Variants in GRIN3B observed in about 807,000 individuals in gnomAD.
The protein encoded by GRIN3B is glutamate ionotropic receptor NMDA type subunit 3B, also known as glutamate receptor ionotropic, NMDA 3B.
In GRIN3B, 77 loss-of-function variants were observed where a neutral mutation model predicts 66.0. The observed-to-expected ratio is 1.17, with a 90% CI of 0.97 to 1.41. The LOEUF (loss-of-function observed/expected upper bound fraction) is 1.41. Among genes scored for constraint, GRIN3B ranks in the 40% most tolerant of loss-of-function variants. GRIN3B has a pLI of 0.00. For synonymous variants in GRIN3B, 823 were observed against 749.7 expected, an observed-to-expected ratio of 1.10 and a Z score of -1.60; for missense variants, 1,787 against 1,564.5, an observed-to-expected ratio of 1.14 and a Z score of -2.40.
At chr19:1,009,024 C>T in intron 8 of GRIN3B, 97 bp downstream of exon 8, 1 of 1,486,788 alleles carries the variant, frequency 6.7e-7, no homozygotes, top group Non-Finnish European at 9.1e-7. Flanking sequence ...AGGAGGTTCC[C>T]GGAGGTCCCC....
In GRIN3B at chr19:1,000,718, C is replaced by G; in HGVS notation, c.281C>G (p.Ala94Gly). ...TCGCTGACCCGCGGCCTGTGCCAGG[C>G]GCTGGTGCCTCCGGGCGTGGCGGCC... ...PASLTRGLCQ[A>G]LVPPGVAALL... The change falls in exon 1 of 9, where the codon GCG (alanine) becomes GGG (glycine). Residue 94 changes from alanine (A) to glycine (G), a missense_variant. Physicochemically the swap from Ala to Gly is moderately conservative, Grantham distance 60. Coordinates refer to ENST00000234389, the MANE Select transcript of GRIN3B (RefSeq NM_138690.3). 2 of 1,425,748 alleles carry G rather than the reference C, an allele frequency of 1.4e-6. No homozygotes were observed. The highest frequency in any genetic ancestry group is 1.8e-6 in the Non-Finnish European group (2 of 1,092,258). 88.3% of individuals were successfully genotyped at this position (1,425,748 alleles called of 1,614,324 possible).
Position 1,008,404 on chromosome 19 carries a change from T to C in GRIN3B, c.2466+113T>C. On this transcript the variant is annotated intron_variant, in intron 6 of 8. Transcript: ENST00000234389. ...ATTCCCCAGACGTGCGTTTGTCTGC[T>C]TCTGCGCACTTCTATTCACCCTACA... 6.4e-6 allele frequency: 7 copies of C among 1,096,888 alleles called. 1 individual carries two copies. Among genetic ancestry groups the C allele is most frequent in the South Asian group, 6.0e-5 (4 of 67,016 alleles). 67.9% of individuals were successfully genotyped at this position (1,096,888 alleles called of 1,614,324 possible). A position where few individuals can be genotyped will look rare whatever the true frequency, so the allele number is the denominator to read the frequency against.
rs1302079558 is a variant in GRIN3B at position 1,003,341 on chromosome 19, C to T, written c.638C>T (p.Ala213Val). 1.9e-6 allele frequency: 3 copies of T among 1,579,884 alleles called. No individual in the cohort carries two copies. The South Asian group carries it at 3.5e-5, about 18-fold the overall frequency. The change falls in exon 2 of 9, where the codon GCA (alanine) becomes GTA (valine). Residue 213 changes from alanine to valine, a missense_variant. Ala to Val is a moderately conservative substitution (Grantham distance 64). Coordinates refer to ENST00000234389, the MANE Select transcript of GRIN3B (RefSeq NM_138690.3). Reference sequence around the variant, plus strand: ...CTAAGCCGGCGGGACACGGGAGATGCAGGACTGCGGGCACGCCTGGCCCCG... The same window carrying T: ...CTAAGCCGGCGGGACACGGGAGATGTAGGACTGCGGGCACGCCTGGCCCCG... ...LDLSRRDTGD[A>V]GLRARLAPMA...
chr19:1,009,171 A>G lies in GRIN3B; in HGVS notation c.2703-2A>G. Reference sequence around the variant, plus strand: ...CACTGACCAGGCCGGTTCCGTCCCCAGCGGCCCCGAGGTGGAGCAGCAGCA... The same window carrying G: ...CACTGACCAGGCCGGTTCCGTCCCCGGCGGCCCCGAGGTGGAGCAGCAGCA... On this transcript the variant is annotated splice_acceptor_variant, in intron 8 of 8. Coordinates refer to ENST00000234389, the MANE Select transcript of GRIN3B (RefSeq NM_138690.3). LOFTEE classifies it high-confidence loss of function. The G allele has an allele frequency of 6.8e-7, 1 of 1,465,010 alleles. No homozygotes were observed. 90.8% of individuals were successfully genotyped at this position (1,465,010 alleles called of 1,614,324 possible).
At position 1,003,140 on chromosome 19, in the gene GRIN3B, A is replaced by T. The variant is rs1408425319; in HGVS notation, c.437A>T (p.His146Leu). The change falls in exon 2 of 9, where the codon CAC becomes CTC. Residue 146 changes from histidine (H) to leucine (L), a missense_variant. Transcript: ENST00000234389. ...RAPLGAPNPF[H>L]LQLHWASPLE... ...CCACCCCTCTCCCAGAACCCATTCC[A>T]CCTGCAGCTGCACTGGGCCAGCCCC... The T allele has an allele frequency of 2.1e-6, 3 of 1,452,038 alleles. No individual in the cohort carries two copies. The highest frequency in any genetic ancestry group is 2.7e-6 in the Non-Finnish European group (3 of 1,104,516). 89.9% of individuals were successfully genotyped at this position (1,452,038 alleles called of 1,614,324 possible).
chr19:1,008,524 C>G (rs1247304738), intron 6 of GRIN3B, 94 bp from the exon 7 acceptor site: 9 of 1,440,914 alleles, frequency 6.2e-6, no homozygotes, highest in Non-Finnish European at 8.4e-6. Context: ...CCCCAAGCCC[C>G]TCTCTCTGGC....
At position 1,005,183 on chromosome 19, in the gene GRIN3B, A is replaced by G. The variant is rs1433132437; in HGVS notation, c.1682A>G (p.Asp561Gly). 6.2e-7 allele frequency: 1 copy of G among 1,613,492 alleles called. No individual in the cohort carries two copies. The change falls in exon 3 of 9, where the codon GAC becomes GGC. Residue 561 changes from aspartate (D) to glycine (G), a missense_variant. By Grantham distance (94) the Asp-to-Gly change is moderately conservative. Coordinates refer to ENST00000234389, the MANE Select transcript of GRIN3B (RefSeq NM_138690.3). The surrounding 1 kb of genome is among the most constrained non-coding windows in gnomAD (Gnocchi z 5.2). ...CTGGGCATCATGGTGCGGGCACGGG[A>G]CACGGCCTCACCCATCGGTGCCTTT... ...TSLGIMVRAR[D>G]TASPIGAFMW...
Position 1,000,580 on chromosome 19 carries a change from T to TCGCCCG in GRIN3B, c.160_165dup (p.Arg54_Ala55dup), listed in dbSNP as rs889167389. On this transcript the variant is annotated inframe_insertion, in exon 1 of 9. Coordinates refer to ENST00000234389, the MANE Select transcript of GRIN3B (RefSeq NM_138690.3). ...GGCGCCCTCCTGCCCCGCGCGCCTC[T>TCGCCCG]CGCCCGCGCCCGCGCCCGCGCCGCC... 1.8e-4 allele frequency: 187 copies of TCGCCCG among 1,027,846 alleles called. No individual in the cohort carries two copies. In the South Asian group the frequency reaches 2.4e-3, roughly 13 times the overall value. The allele number at this position is 1,027,846 out of a possible 1,614,324, so 63.7% of individuals were successfully genotyped here.
At chr19:1,004,499 A>ACCG in intron 2 of GRIN3B, 22 bp from the exon 3 acceptor site, 3 of 1,526,582 alleles carry the variant, frequency 2.0e-6, no homozygotes, top group Non-Finnish European at 2.7e-6. Context: ...GACACCTGAC[A>ACCG]CCCCCCCCGC....
Position 1,009,389 on chromosome 19 carries a change from G to GC in GRIN3B, c.2922dup (p.Thr975HisfsTer21), listed in dbSNP as rs772952776. 1 of 1,410,616 alleles carries GC rather than the reference G, an allele frequency of 7.1e-7. No homozygotes were observed. The highest frequency in any genetic ancestry group is 1.5e-5 in the South Asian group (1 of 68,464). 87.4% of individuals were successfully genotyped at this position (1,410,616 alleles called of 1,614,324 possible). On this transcript the variant is annotated frameshift_variant, in exon 9 of 9. Coordinates refer to ENST00000234389, the MANE Select transcript of GRIN3B (RefSeq NM_138690.3). LOFTEE classifies it low-confidence loss of function (END_TRUNC). Reference sequence around the variant, plus strand: ...CCTACGGCCGCCCGCCCGCCGCAAGGCCCACGGGGGCCCCCCAGCCCGGGG... The same window carrying GC: ...CCTACGGCCGCCCGCCCGCCGCAAGGCCCCACGGGGGCCCCCCAGCCCGGGG...
intron 1 of GRIN3B, among the ~76,000 whole-genome samples, chr19:1,001,811 G>C (rs780475716): frequency 6.6e-6 from 1 of 152,070 alleles, no homozygotes; most frequent in African/African-American, 2.4e-5. Context: ...GAGAGGCGGG[G>C]CCCAAACCCA....
In GRIN3B at chr19:1,004,932, C is replaced by A; in HGVS notation, c.1431C>A (p.Tyr477Ter). 6.2e-7 allele frequency: 1 copy of A among 1,612,130 alleles called. No individual in the cohort carries two copies. Among genetic ancestry groups the A allele is most frequent in the Non-Finnish European group, 8.5e-7 (1 of 1,179,546 alleles). Reference protein sequence around the residue: ...SAPRALRKCCYGYCIDLLERL... With the variant: ...SAPRALRKCC ...CCCGTGCCCTGCGCAAGTGCTGCTA[C>A]GGCTACTGCATTGACCTGCTGGAGC... Residue 477 changes from tyrosine to a stop codon, truncating the protein, a stop_gained, in exon 3 of 9, where the codon TAC (tyrosine) becomes TAA (stop). Coordinates refer to ENST00000234389, the MANE Select transcript of GRIN3B (RefSeq NM_138690.3). LOFTEE classifies it high-confidence loss of function.
Position 1,008,839 on chromosome 19 carries a change from G to C in GRIN3B, c.2632-18G>C, listed in dbSNP as rs368628871. 232 of 1,601,438 alleles carry C rather than the reference G, an allele frequency of 1.4e-4. No individual in the cohort carries two copies. Among genetic ancestry groups the C allele is most frequent in the Non-Finnish European group, 1.9e-4 (218 of 1,174,524 alleles). On this transcript the variant is annotated intron_variant, in intron 7 of 8. Transcript: ENST00000234389. Reference sequence around the variant, plus strand: ...CCCCCCCCGCCTCCTCGCCAACCGGGTCTGTCTGGGGTCTTAGAAAATCCA... The same window carrying C: ...CCCCCCCCGCCTCCTCGCCAACCGGCTCTGTCTGGGGTCTTAGAAAATCCA...
rs974996612 is a variant in GRIN3B at position 1,009,574 on chromosome 19, ACT to A, written c.3107_3108del (p.Ser1036TrpfsTer44). 2.0e-5 allele frequency: 18 copies of A among 887,576 alleles called. No individual in the cohort carries two copies. In the African/African-American group the frequency reaches 3.6e-4, roughly 18 times the overall value. 55.0% of individuals were successfully genotyped at this position (887,576 alleles called of 1,614,324 possible). A position where few individuals can be genotyped will look rare whatever the true frequency, so the allele number is the denominator to read the frequency against. On this transcript the variant is annotated frameshift_variant, in exon 9 of 9. Coordinates refer to ENST00000234389, the MANE Select transcript of GRIN3B (RefSeq NM_138690.3). LOFTEE classifies it low-confidence loss of function (END_TRUNC). ...GCGGCCCCCGCGGAGGCCCCACCAC[ACT>A]CTGGCCGACCGGGGAGCCAGGAATG...
chr19:1,008,315 G>T, intron 6 of GRIN3B, 24 bp downstream of exon 6: 1 of 1,342,340 alleles, frequency 7.4e-7, no homozygotes, highest in African/African-American at 1.6e-5. Context: ...TGGGACAGAG[G>T]GTGGGGGTGG....
At chr19:1,004,290 C>T (rs1190565097) in intron 2 of GRIN3B, among the ~76,000 whole-genome samples, 1 of 152,210 alleles carries the variant, frequency 6.6e-6, no homozygotes, top group Admixed American at 6.5e-5. Context: ...GTGTCAGTCA[C>T]TGGCTTCAGG....
In GRIN3B at chr19:1,007,840, C is replaced by A. The variant is rs371786947; in HGVS notation, c.2199-16C>A. 7 of 1,553,030 alleles carry A rather than the reference C, an allele frequency of 4.5e-6. No homozygotes were observed. Among genetic ancestry groups the A allele is most frequent in the Non-Finnish European group, 6.2e-6 (7 of 1,132,952 alleles). On this transcript the variant is annotated splice_polypyrimidine_tract_variant and intron_variant, in intron 4 of 8. Coordinates refer to ENST00000234389, the MANE Select transcript of GRIN3B (RefSeq NM_138690.3). This position sits in a 1 kb window ranked among gnomAD's most constrained non-coding sequence, Gnocchi z 4.4. Reference sequence around the variant, plus strand: ...TGGGCGGGGCGATGGCTGACCCCCGCCCCCGGCCCCAGCAGGAGCGACCCC... The same window carrying A: ...TGGGCGGGGCGATGGCTGACCCCCGACCCCGGCCCCAGCAGGAGCGACCCC...
In GRIN3B at chr19:1,007,372, C is replaced by G. The variant is rs11671395; in HGVS notation, c.2053-256C>G. ...GAGGTCCAGGTGGAGATGGACTTGC[C>G]GGCGTTTAGAACAGAGGGTCTCCAC... On this transcript the variant is annotated intron_variant, in intron 3 of 8. Coordinates refer to ENST00000234389, the MANE Select transcript of GRIN3B (RefSeq NM_138690.3). The surrounding 1 kb of genome is among the most constrained non-coding windows in gnomAD (Gnocchi z 4.4). 0.38 allele frequency among the ~76,000 whole-genome samples: 57,654 copies of G among 151,532 alleles called. 11,702 individuals carry two copies. The highest frequency in any genetic ancestry group is 0.52 in the African/African-American group (21,465 of 41,232).
In GRIN3B at chr19:1,009,630, G is replaced by C; in HGVS notation, c.*28G>C. On this transcript the variant is annotated 3_prime_UTR_variant, in exon 9 of 9. Transcript: ENST00000234389. ...CGGCAGCCGGGCCGTTTGGGCTCAAGACACACACACAGCGCAGTGAGCCGC... is the reference window on the plus strand; with the variant it reads ...CGGCAGCCGGGCCGTTTGGGCTCAACACACACACACAGCGCAGTGAGCCGC... 7.2e-7 allele frequency: 1 copy of C among 1,396,302 alleles called. No individual in the cohort carries two copies. Among genetic ancestry groups the C allele is most frequent in the Non-Finnish European group, 9.3e-7 (1 of 1,079,156 alleles). The allele number at this position is 1,396,302 out of a possible 1,614,324, so 86.5% of individuals were successfully genotyped here. A position where few individuals can be genotyped will look rare whatever the true frequency, so the allele number is the denominator to read the frequency against.
Sources: allele counts gnomAD v4.1 joint callset (sites outside exome capture counted in the v4.1 genomes callset), GRCh38; gene constraint gnomAD v4.1.1; non-coding constraint Gnocchi (gnomAD v3.1); transcripts MANE v1.5; gene names NCBI Gene and HGNC (gene_info 2026-07-23, HGNC 2026-07-21).